The following AGBL4 variants were observed in gnomAD, a reference collection of about 807,000 sequenced individuals.
The protein encoded by AGBL4 is cytosolic carboxypeptidase 6.
In AGBL4, 58 loss-of-function variants were observed where a neutral mutation model predicts 66.4. The ratio of observed to expected loss-of-function variants is 0.87; its 90% CI spans 0.71 to 1.09. The LOEUF (loss-of-function observed/expected upper bound fraction) is 1.09, where lower values mean the gene tolerates loss of function less well. Ranked by LOEUF, AGBL4 falls within the 50% of genes least tolerant of loss-of-function variation. The pLI, the probability that AGBL4 is intolerant of heterozygous loss-of-function variation, is 0.00. For missense variants in AGBL4, 579 were observed against 631.0 expected, an observed-to-expected ratio of 0.92 and a Z score of 0.88; for synonymous variants, 234 against 222.9, an observed-to-expected ratio of 1.05 and a Z score of -0.44.
chr1:49,142,100 A>T (rs1053856418), intron 4 of AGBL4, among the ~76,000 whole-genome samples: 2 of 152,104 alleles, frequency 1.3e-5, no homozygotes, highest in Non-Finnish European at 2.9e-5. Flanking sequence ...TCAACTGTGC[A>T]TGTGAGGGAT....
At chr1:49,672,777 C>T (rs911834969) in intron 3 of AGBL4, among the ~76,000 whole-genome samples, 1 of 151,774 alleles carries the variant, frequency 6.6e-6, no homozygotes, top group South Asian at 2.1e-4. Context: ...CAAAAATTAT[C>T]TGGGCGTGGT....
intron 3 of AGBL4, among the ~76,000 whole-genome samples, chr1:49,384,998 T>C (rs1249026235): frequency 1.3e-5 from 2 of 152,182 alleles, no homozygotes; most frequent in Non-Finnish European, 2.9e-5. Context: ...AATCTTGTCA[T>C]ATGCTTCAGC....
intron 6 of AGBL4, among the ~76,000 whole-genome samples, chr1:48,771,424 G>T (rs1456867778): frequency 6.6e-6 from 1 of 152,106 alleles, no homozygotes; most frequent in African/African-American, 2.4e-5. Flanking sequence ...TTTTATTTCT[G>T]CTTATGAACC....
chr1:48,552,660 A>C (rs1318647473), intron 11 of AGBL4, among the ~76,000 whole-genome samples: 2 of 152,166 alleles, frequency 1.3e-5, no homozygotes, highest in East Asian at 3.9e-4. Context: ...GTGTCTTCAA[A>C]CATTGCCAAA....
chr1:49,937,706 A>G (rs1447153710), intron 1 of AGBL4, among the ~76,000 whole-genome samples: 1 of 152,224 alleles, frequency 6.6e-6, no homozygotes, highest in Non-Finnish European at 1.5e-5. Context: ...CAGCTCAACT[A>G]CGTAGAAACT....
intron 6 of AGBL4, among the ~76,000 whole-genome samples, chr1:48,708,725 C>G (rs1479855725): frequency 6.6e-6 from 1 of 152,192 alleles, no homozygotes; most frequent in Non-Finnish European, 1.5e-5. Context: ...AGAAAAGCCT[C>G]CAAAATACGA....
At chr1:48,912,529 T>G (rs987453146) in intron 5 of AGBL4, among the ~76,000 whole-genome samples, 3 of 152,172 alleles carry the variant, frequency 2.0e-5, no homozygotes, top group Admixed American at 2.0e-4. Context: ...GCAGATATGA[T>G]GTTGTTCAGC....
chr1:49,788,081 G>T (rs1571567892), intron 2 of AGBL4, among the ~76,000 whole-genome samples: 1 of 152,326 alleles, frequency 6.6e-6, no homozygotes, highest in East Asian at 1.9e-4. Flanking sequence ...TTGAGAATAT[G>T]CAAAGTTCTA....
At chr1:48,625,924 A>G (rs1389616814) in intron 9 of AGBL4, among the ~76,000 whole-genome samples, 1 of 152,192 alleles carries the variant, frequency 6.6e-6, no homozygotes, top group East Asian at 1.9e-4. Flanking sequence ...CCTTCAGAAA[A>G]GTAATGATTT....
chr1:48,580,003 C>T (rs1375555325), intron 11 of AGBL4, among the ~76,000 whole-genome samples: 3 of 151,578 alleles, frequency 2.0e-5, no homozygotes, highest in Non-Finnish European at 2.9e-5. Context: ...ATTGTAGTTT[C>T]GACTGAGATC....
At chr1:49,939,530 G>A (rs1426308884) in intron 1 of AGBL4, among the ~76,000 whole-genome samples, 6 of 151,446 alleles carry the variant, frequency 4.0e-5, no homozygotes, top group Admixed American at 3.9e-4. Flanking sequence ...ACAGAACAGA[G>A]CCCTCAGAAA....
chr1:49,571,082 C>T (rs1436793528), intron 3 of AGBL4, among the ~76,000 whole-genome samples: 2 of 150,912 alleles, frequency 1.3e-5, no homozygotes, highest in Non-Finnish European at 3.0e-5. Flanking sequence ...TTTCATAGTA[C>T]CATATGTATT....
chr1:49,064,014 C>G (rs1644448584), intron 4 of AGBL4, among the ~76,000 whole-genome samples: 1 of 152,148 alleles, frequency 6.6e-6, no homozygotes, highest in South Asian at 2.1e-4. Flanking sequence ...CAATGTTGGG[C>G]AAGTGACTTA....
At chr1:48,928,827 TGTC>T (rs2148900424) in intron 5 of AGBL4, among the ~76,000 whole-genome samples, 1 of 152,350 alleles carries the variant, frequency 6.6e-6, no homozygotes, top group African/African-American at 2.4e-5. Flanking sequence ...GAAATAATGT[TGTC>T]TGGTATATGG....
chr1:49,788,605 T>C (rs1421237799), intron 2 of AGBL4, among the ~76,000 whole-genome samples: 1 of 152,080 alleles, frequency 6.6e-6, no homozygotes, highest in Admixed American at 6.5e-5. Context: ...ATGGAAATTA[T>C]AGACCTAAAA....
At chr1:49,960,148 C>T (rs1299558084) in intron 1 of AGBL4, among the ~76,000 whole-genome samples, 2 of 151,972 alleles carry the variant, frequency 1.3e-5, no homozygotes, top group African/African-American at 4.8e-5. Flanking sequence ...CAAACCTGCA[C>T]ATGTACCCCT....
intron 3 of AGBL4, among the ~76,000 whole-genome samples, chr1:49,382,780 A>G (rs1293399183): frequency 2.0e-5 from 3 of 152,210 alleles, no homozygotes; most frequent in Admixed American, 6.5e-5. Flanking sequence ...GTTTCCAATT[A>G]AAAACCTTTT....
chr1:48,666,123 T>C (rs1646183427), intron 6 of AGBL4, among the ~76,000 whole-genome samples: 1 of 152,252 alleles, frequency 6.6e-6, no homozygotes, highest in Non-Finnish European at 1.5e-5. Flanking sequence ...AAGAGCATTA[T>C]AATCATCTTT....
chr1:49,710,602 GAATA>G (rs1402551130), intron 2 of AGBL4, among the ~76,000 whole-genome samples: 7 of 151,296 alleles, frequency 4.6e-5, no homozygotes, highest in African/African-American at 1.5e-4. Flanking sequence ...AAACAAAAAT[GAATA>G]AATAATTTAA....
Sources: allele counts gnomAD v4.1 joint callset (sites outside exome capture counted in the v4.1 genomes callset), GRCh38; gene constraint gnomAD v4.1.1; transcripts MANE v1.5; gene names NCBI Gene and HGNC (gene_info 2026-07-23, HGNC 2026-07-21).